The following SRSF11 variants were observed in gnomAD, a reference collection of about 807,000 sequenced individuals.
SRSF11 encodes the protein serine and arginine rich splicing factor 11, also known as serine/arginine-rich splicing factor 11.
In SRSF11, 9 loss-of-function variants were observed where a neutral mutation model predicts 56.0. That is an observed-to-expected ratio of 0.16 (90% confidence interval 0.10 to 0.28). SRSF11 has a LOEUF of 0.28. Ranked by LOEUF, SRSF11 falls within the 10% of genes least tolerant of loss-of-function variation. The pLI is 1.00. For missense variants in SRSF11, 421 were observed against 600.7 expected (o/e 0.70, Z 3.13); for synonymous variants, 222 against 215.3 (o/e 1.03, Z -0.27).
intron 5 of SRSF11, among the ~76,000 whole-genome samples, chr1:70,236,792 A>ATTTTTTTTTTT (rs35602423): frequency 9.5e-5 from 8 of 83,778 alleles, no homozygotes; most frequent in African/African-American, 2.6e-4. Flanking sequence ...TATGTCATAA[A>ATTTTTTTTTTT]TTTTTTTTTT....
chr1:70,237,514 G>T lies in SRSF11; in HGVS notation c.680G>T (p.Arg227Leu), dbSNP rs947572087. Residue 227 changes from arginine (R) to leucine (L), a missense_variant, in exon 6 of 12, where the codon CGA becomes CTA. Physicochemically the swap from Arg to Leu is moderately radical, Grantham distance 102. This residue lies in a region of SRSF11 where 168 missense variants were observed against 294.9 expected (regional missense o/e 0.57). Transcript: ENST00000370949. Reference protein sequence around the residue: ...KEIEEAMKRVREAQSLISAAI... With the variant: ...KEIEEAMKRVLEAQSLISAAI... ...ATAGAGGAAGCTATGAAAAGAGTAC[G>T]AGAAGCACAGTCCCTAATTTCTGCT... 6.2e-7 allele frequency: 1 copy of T among 1,613,918 alleles called. No homozygotes were observed. Among genetic ancestry groups the T allele is most frequent in the Non-Finnish European group, 8.5e-7 (1 of 1,179,980 alleles).
At chr1:70,216,576 T>G (rs1337566832), upstream of SRSF11, among the ~76,000 whole-genome samples, 3 of 151,858 alleles carry the variant, frequency 2.0e-5, no homozygotes, top group East Asian at 5.8e-4. Context: ...GGACCACAGG[T>G]GCACACCACT....
chr1:70,233,211 TTTTGTTTTTTTTTG>T (rs1405809942), intron 3 of SRSF11, among the ~76,000 whole-genome samples: 5 of 151,856 alleles, frequency 3.3e-5, no homozygotes, highest in African/African-American at 1.2e-4. Flanking sequence ...TTCTGTTTTG[TTTTGTTTTTTTTTG>T]TTTGTTTTTT....
In SRSF11 at chr1:70,224,210, G is replaced by A. The variant is rs546111449; in HGVS notation, c.203+2371G>A. On this transcript the variant is annotated intron_variant, in intron 1 of 11. Transcript: ENST00000370949. ...AGAGACTTGAGCATCTGTGGATTTT[G>A]TTATCTGCAGGGAGTCCTGAAACCA... is the stretch of plus-strand genomic sequence containing the variant. Among the ~76,000 whole-genome samples the A allele has an allele frequency of 6.6e-5, 10 of 152,202 alleles. No homozygotes were observed. The East Asian group carries it at 1.9e-3, about 29-fold the overall frequency.
At chr1:70,218,117 A>G (rs893300339), upstream of SRSF11, among the ~76,000 whole-genome samples, 1 of 152,128 alleles carries the variant, frequency 6.6e-6, no homozygotes, top group East Asian at 1.9e-4. Flanking sequence ...GGCGTCTGCT[A>G]CCACACCCAG....
At chr1:70,206,732 CTT>C (rs1459272981) in intron 1 of SRSF11, among the ~76,000 whole-genome samples, 5 of 152,082 alleles carry the variant, frequency 3.3e-5, no homozygotes, top group African/African-American at 1.2e-4. Flanking sequence ...TCATCACGCA[CTT>C]TTACCTGAGT....
chr1:70,229,773 C>T (rs563492084), intron 2 of SRSF11: 1 of 983,810 alleles, frequency 1.0e-6, no homozygotes, highest in Non-Finnish European at 1.2e-6. Context: ...AGAGAAGTTG[C>T]CTCTGGTTTT....
chr1:70,209,680 G>A lies in SRSF11; in HGVS notation c.-26+3900G>A, dbSNP rs754870230. On this transcript the variant is annotated intron_variant, in intron 1 of 12. Transcript: ENST00000370950. ...GGCTCACTGCAGCCTTGACCTCCCTGGCTCAAGAGATCCTCGCATCTCAGC... is the reference window on the plus strand; with the variant it reads ...GGCTCACTGCAGCCTTGACCTCCCTAGCTCAAGAGATCCTCGCATCTCAGC... 5.9e-4 allele frequency among the ~76,000 whole-genome samples: 85 copies of A among 144,848 alleles called. 1 individual carries two copies. Among genetic ancestry groups the A allele is most frequent in the Middle Eastern group, 3.8e-3 (1 of 264 alleles).
At chr1:70,228,863 A>G in intron 2 of SRSF11, 1 of 1,066,292 alleles carries the variant, frequency 9.4e-7, no homozygotes, top group Non-Finnish European at 1.1e-6. Flanking sequence ...AGTTTTATGA[A>G]AAAGCCCTGA....
At chr1:70,223,179 G>A (rs926525645) in intron 1 of SRSF11, among the ~76,000 whole-genome samples, 1 of 152,086 alleles carries the variant, frequency 6.6e-6, no homozygotes, top group Non-Finnish European at 1.5e-5. Context: ...CAGTAAAATA[G>A]CAGAAAATAG....
intron 1 of SRSF11, among the ~76,000 whole-genome samples, chr1:70,207,484 A>G (rs529496060): frequency 4.5e-4 from 69 of 151,932 alleles, no homozygotes; most frequent in African/African-American, 1.5e-3. Context: ...TTTAATCACC[A>G]TGACTTCCCT....
chr1:70,221,893 A>C, intron 1 of SRSF11, 54 bp downstream of exon 1: 1 of 1,603,842 alleles, frequency 6.2e-7, no homozygotes, highest in Non-Finnish European at 8.5e-7. Context: ...GCCTGGGCCT[A>C]ACACACACAA....
chr1:70,246,703 A>G (rs1422037326), intron 8 of SRSF11, 115 bp from the exon 9 acceptor site: 10 of 553,254 alleles, frequency 1.8e-5, no homozygotes, highest in Non-Finnish European at 3.2e-5. Flanking sequence ...TCAGAACAAC[A>G]TTTATGCTTT....
At chr1:70,237,293 A>G (rs1345030065) in intron 5 of SRSF11, 132 bp from the exon 6 acceptor site, 3 of 1,110,870 alleles carry the variant, frequency 2.7e-6, no homozygotes, top group Non-Finnish European at 2.6e-6. Flanking sequence ...TACCAAAGTT[A>G]TCATGGAGTC....
rs144489332 is a variant in SRSF11 at position 70,205,918 on chromosome 1, G to A, written c.-26+138G>A. On this transcript the variant is annotated intron_variant, in intron 1 of 12. Coordinates refer to the SRSF11 transcript ENST00000370950. ...GAACCCTCTCTTCTCCCCTCTCCTA[G>A]TCTGAACGTGGGCCTTGACTAAAAC... The A allele has an allele frequency of 8.2e-3, 1,330 of 163,092 alleles. 20 individuals are homozygous for A. The highest frequency in any genetic ancestry group is 0.024 in the African/African-American group (1,005 of 42,084). 10.1% of individuals were successfully genotyped at this position (163,092 alleles called of 1,614,324 possible).
chr1:70,250,434 C>A lies in SRSF11; in HGVS notation c.1188C>A (p.Ser396Arg). ...GGGATGAAAGAGAACGATCAACAAG[C>A]AAGAAGAAGAAGAGTAAAGATAAGG... ...RSRDERERST[S>R]KKKKSKDKEK... The change falls in exon 11 of 12, where the codon AGC (serine) becomes AGA (arginine). Residue 396 changes from serine (S) to arginine (R), a missense_variant. Physicochemically the swap from Ser to Arg is moderately radical, Grantham distance 110 (BLOSUM62 -1). Coordinates refer to ENST00000370949, the MANE Select transcript of SRSF11 (RefSeq NM_001350605.2). 1 of 1,589,948 alleles carries A rather than the reference C, an allele frequency of 6.3e-7. No individual in the cohort carries two copies. Among genetic ancestry groups the A allele is most frequent in the Non-Finnish European group, 8.6e-7 (1 of 1,158,492 alleles).
At chr1:70,213,120 G>A (rs1256047992) in intron 1 of SRSF11, among the ~76,000 whole-genome samples, 1 of 152,168 alleles carries the variant, frequency 6.6e-6, no homozygotes, top group East Asian at 1.9e-4. Context: ...GTAATGACAT[G>A]TAACATTTGT....
intron 1 of SRSF11, among the ~76,000 whole-genome samples, chr1:70,207,519 T>C (rs1669156178): frequency 6.6e-6 from 1 of 151,938 alleles, no homozygotes; most frequent in Admixed American, 6.6e-5. Flanking sequence ...ATTCCCAACT[T>C]GCTTTTTTTT....
chr1:70,232,891 T>C (rs1344558622), intron 3 of SRSF11, among the ~76,000 whole-genome samples: 1 of 152,234 alleles, frequency 6.6e-6, no homozygotes, highest in Non-Finnish European at 1.5e-5. Flanking sequence ...GACAGTGCTG[T>C]ACGAAGCTTA....
Sources: allele counts gnomAD v4.1 joint callset (sites outside exome capture counted in the v4.1 genomes callset), GRCh38; gene constraint gnomAD v4.1.1; regional missense constraint gnomAD v4.1.1; transcripts MANE v1.5; gene names NCBI Gene and HGNC (gene_info 2026-07-23, HGNC 2026-07-21).